Variants in BIRC6 observed in about 807,000 individuals in gnomAD.
BIRC6 encodes the protein dual E2 ubiquitin-conjugating enzyme/E3 ubiquitin-protein ligase BIRC6.
BIRC6 carries 98 observed loss-of-function variants against 503.3 expected under a neutral mutation model. The ratio of observed to expected loss-of-function variants is 0.19; its 90% CI spans 0.17 to 0.23. BIRC6 has a LOEUF of 0.23. Among genes scored for constraint, BIRC6 ranks in the 10% least tolerant of loss-of-function variants. The pLI is 1.00. For missense variants in BIRC6, 5,360 were observed against 5,806.0 expected, an observed-to-expected ratio of 0.92 and a Z score of 2.50; for synonymous variants, 2,240 against 2,078.7, an observed-to-expected ratio of 1.08 and a Z score of -2.11.
intron 35 of BIRC6, among the ~76,000 whole-genome samples, chr2:32,478,368 T>A (rs1337486399): frequency 6.6e-6 from 1 of 152,082 alleles, no homozygotes. Context: ...ACTTTTAATG[T>A]CATGATTGCT....
chr2:32,544,083 TGA>T (rs1474705888), intron 62 of BIRC6, among the ~76,000 whole-genome samples: 42 of 152,220 alleles, frequency 2.8e-4, no homozygotes, highest in Non-Finnish European at 3.4e-4. Context: ...TTAAAATGTA[TGA>T]GAGGGGATAA....
At chr2:32,616,595 T>TA (rs1044082665) in intron 73 of BIRC6, among the ~76,000 whole-genome samples, 2 of 149,808 alleles carry the variant, frequency 1.3e-5, no homozygotes, top group Admixed American at 6.6e-5. Context: ...ATTCTAATGA[T>TA]ACAATTATTT....
Position 32,436,064 on chromosome 2 carries a change from T to C in BIRC6, c.3511T>C (p.Cys1171Arg), listed in dbSNP as rs2044663985. The change falls in exon 15 of 74, where the codon TGT becomes CGT. Residue 1171 changes from cysteine (C) to arginine (R), a missense_variant. Cys to Arg is a radical substitution (Grantham distance 180). Transcript: ENST00000421745. ...DVEESQCLRL[C>R]PFLEDHKEDI... is the part of the protein sequence containing the mutation. ...ATTTTTCTTTTTAGGTCTTAGATTA[T>C]GTCCATTTTTGGAGGATCATAAAGA... is the stretch of plus-strand genomic sequence containing the variant. The C allele has an allele frequency of 1.1e-5, 15 of 1,422,242 alleles. No individual in the cohort carries two copies. The highest frequency in any genetic ancestry group is 1.4e-5 in the Non-Finnish European group (15 of 1,071,412). The allele number at this position is 1,422,242 out of a possible 1,614,324, so 88.1% of individuals were successfully genotyped here.
intron 61 of BIRC6, 26 bp from the exon 62 acceptor site, chr2:32,543,215 A>G: frequency 6.2e-7 from 1 of 1,603,908 alleles, no homozygotes; most frequent in Non-Finnish European, 8.5e-7. Context: ...GTGAATGGCC[A>G]AGCCAACACT....
chr2:32,556,525 T>G (rs2058789836), intron 65 of BIRC6, among the ~76,000 whole-genome samples: 1 of 152,176 alleles, frequency 6.6e-6, no homozygotes. Flanking sequence ...AACTCTCCAT[T>G]TCTTCTATGA....
chr2:32,366,406 C>T (rs2034938365), intron 1 of BIRC6, among the ~76,000 whole-genome samples: 1 of 151,982 alleles, frequency 6.6e-6, no homozygotes, highest in Non-Finnish European at 1.5e-5. Flanking sequence ...TATTCCTTTA[C>T]TGTCTTTTCA....
intron 20 of BIRC6, among the ~76,000 whole-genome samples, chr2:32,445,270 T>C (rs1371935754): frequency 3.3e-5 from 5 of 152,228 alleles, no homozygotes; most frequent in Non-Finnish European, 2.9e-5. Flanking sequence ...TAAATGACTT[T>C]ATAAAACTCT....
chr2:32,503,102 C>T lies in BIRC6; in HGVS notation c.9365C>T (p.Ala3122Val), dbSNP rs764430381. The change falls in exon 49 of 74, where the codon GCA becomes GTA. Residue 3122 changes from alanine (A) to valine (V), a missense_variant. Coordinates refer to ENST00000421745, the MANE Select transcript of BIRC6 (RefSeq NM_016252.4). ...VTSTRAIVNT[A>V]RSMVSTIMKF... ...AGTACAAGGGCTATTGTGAACACTG[C>T]AAGAAGTATGGTATCAACTATTATG... is the stretch of plus-strand genomic sequence containing the variant. 2 of 1,610,844 alleles carry T rather than the reference C, an allele frequency of 1.2e-6. No individual in the cohort carries two copies. Among genetic ancestry groups the T allele is most frequent in the African/African-American group, 1.3e-5 (1 of 74,844 alleles).
intron 9 of BIRC6, among the ~76,000 whole-genome samples, chr2:32,407,721 C>G (rs2041397961): frequency 6.6e-6 from 1 of 151,946 alleles, no homozygotes; most frequent in Non-Finnish European, 1.5e-5. Context: ...AAATGGAACA[C>G]TGGACAATTT....
chr2:32,572,183 G>A (rs377289968), intron 65 of BIRC6, among the ~76,000 whole-genome samples: 2 of 152,178 alleles, frequency 1.3e-5, no homozygotes, highest in East Asian at 3.9e-4. Flanking sequence ...GTTGGTGAAA[G>A]GAATGTATAT....
intron 11 of BIRC6, 91 bp from the exon 12 acceptor site, chr2:32,430,774 C>A (rs2147962202): frequency 1.0e-6 from 1 of 960,512 alleles, no homozygotes; most frequent in Non-Finnish European, 1.5e-6. Context: ...AGAAAACCTA[C>A]CCATGAATTA....
chr2:32,414,662 G>A, intron 9 of BIRC6, 107 bp from the exon 10 acceptor site: 3 of 886,286 alleles, frequency 3.4e-6, no homozygotes, highest in Non-Finnish European at 4.7e-6. Flanking sequence ...GCAAGAATTT[G>A]TCTCAAAAAT....
intron 9 of BIRC6, among the ~76,000 whole-genome samples, chr2:32,410,736 T>C (rs1440931226): frequency 6.6e-6 from 1 of 151,946 alleles, no homozygotes; most frequent in African/African-American, 2.4e-5. Context: ...AGTCTCGCTC[T>C]GTCGCCCAGG....
At chr2:32,455,702 A>G (rs1490239327) in intron 23 of BIRC6, among the ~76,000 whole-genome samples, 5 of 152,236 alleles carry the variant, frequency 3.3e-5, no homozygotes, top group Non-Finnish European at 4.4e-5. Flanking sequence ...AAAGGCACAT[A>G]ATTTTTAAAA....
intron 10 of BIRC6, among the ~76,000 whole-genome samples, chr2:32,419,888 C>T (rs1395297335): frequency 6.6e-6 from 1 of 152,146 alleles, no homozygotes; most frequent in African/African-American, 2.4e-5. Context: ...GTCTTCTGTT[C>T]CTGCTTTGCT....
chr2:32,416,903 C>G (rs1235730065), intron 10 of BIRC6, among the ~76,000 whole-genome samples: 3 of 150,406 alleles, frequency 2.0e-5, no homozygotes, highest in Non-Finnish European at 4.4e-5. Flanking sequence ...GTGGCCCAAT[C>G]TCAGCTCACT....
Position 32,482,461 on chromosome 2 carries a change from T to A in BIRC6, c.7575T>A (p.Gly2525=). 2 of 1,613,904 alleles carry A rather than the reference T, an allele frequency of 1.2e-6. No individual in the cohort carries two copies. The highest frequency in any genetic ancestry group is 1.7e-6 in the Non-Finnish European group (2 of 1,179,844). ...GCAGTACATGGTATGATTATTGGGG[T>A]GCTGATTATGGGACCTACAATTACA... ...PISSTWYDYW[G]ADYGTYNYNP... The change falls in exon 39 of 74, where the codon GGT becomes GGA. Residue 2525 remains glycine (G), a synonymous_variant. Transcript: ENST00000421745.
intron 1 of BIRC6, among the ~76,000 whole-genome samples, chr2:32,368,653 C>T (rs1248578818): frequency 3.3e-5 from 5 of 151,896 alleles, no homozygotes; most frequent in African/African-American, 9.7e-5. Context: ...GAGAGCTTCC[C>T]GCCCCTGTCC....
intron 1 of BIRC6, 76 bp from the exon 2 acceptor site, chr2:32,377,512 T>TC (rs1220908353): frequency 1.1e-5 from 13 of 1,199,012 alleles, no homozygotes; most frequent in Non-Finnish European, 1.5e-5. Flanking sequence ...TTGTGTTTAG[T>TC]CACTATGTAA....
Sources: allele counts gnomAD v4.1 joint callset (sites outside exome capture counted in the v4.1 genomes callset), GRCh38; gene constraint gnomAD v4.1.1; transcripts MANE v1.5; gene names NCBI Gene and HGNC (gene_info 2026-07-23, HGNC 2026-07-21).